Variants in DNAH5 observed in about 807,000 individuals in gnomAD.
The protein encoded by DNAH5 is axonemal beta dynein heavy chain 5.
Under a neutral mutation model 518.2 loss-of-function variants are expected in DNAH5, and 372 were observed. The observed-to-expected ratio is 0.72, with a 90% confidence interval of 0.66 to 0.78. DNAH5 has a LOEUF of 0.78. Among genes scored for constraint, DNAH5 ranks in the 30% least tolerant of loss-of-function variants. The probability of loss-of-function intolerance (pLI) is 0.00; values close to 1 mark genes in which losing one functional copy is unlikely to be tolerated. For missense variants in DNAH5, 5,523 were observed against 5,687.0 expected, an observed-to-expected ratio of 0.97 and a Z score of 0.93; for synonymous variants, 2,039 against 2,025.9, an observed-to-expected ratio of 1.01 and a Z score of -0.17.
intron 12 of DNAH5, among the ~76,000 whole-genome samples, chr5:13,906,634 A>G (rs1025547557): frequency 6.6e-6 from 1 of 152,212 alleles, no homozygotes; most frequent in African/African-American, 2.4e-5. Context: ...AAAGTATTCC[A>G]TGTTCTCACA....
At position 13,870,795 on chromosome 5, in the gene DNAH5, G is replaced by C; in HGVS notation, c.3806C>G (p.Ser1269Cys). 2 of 1,613,674 alleles carry C rather than the reference G, an allele frequency of 1.2e-6. No individual in the cohort carries two copies. The highest frequency in any genetic ancestry group is 8.5e-7 in the Non-Finnish European group (1 of 1,179,776). ...AATAGGTCCTACTTGAAAGTCAATGGAGATTTGCTCCTCCCTTATTTCTTT... is the reference window on the plus strand; with the variant it reads ...AATAGGTCCTACTTGAAAGTCAATGCAGATTTGCTCCTCCCTTATTTCTTT... ...ALKEIREEQI[S>C]IDFQVGPIEE... Residue 1269 changes from serine (S) to cysteine (C), a missense_variant, in exon 24 of 79, where the codon TCC becomes TGC. This residue lies in a region of DNAH5 where 5,121 missense variants were observed against 5,223.3 expected (regional missense o/e 0.98). Coordinates refer to ENST00000265104, the MANE Select transcript of DNAH5 (RefSeq NM_001369.3).
intron 55 of DNAH5, 140 bp downstream of exon 55, chr5:13,776,299 G>T: frequency 1.8e-6 from 2 of 1,130,990 alleles, no homozygotes; most frequent in Non-Finnish European, 2.7e-6. Flanking sequence ...TGCTGTCCAT[G>T]AGATTAAACC....
chr5:13,804,464 A>AC (rs1375778881), intron 47 of DNAH5, among the ~76,000 whole-genome samples: 1 of 152,222 alleles, frequency 6.6e-6, no homozygotes, highest in Admixed American at 6.5e-5. Flanking sequence ...AGATGCAGAG[A>AC]CAAATGCTCT....
chr5:13,898,628 T>A lies in DNAH5; in HGVS notation c.2259+1578A>T, dbSNP rs147184204. Reference sequence around the variant, plus strand: ...TTAACTTCTCTAAGCCACAGTTTTGTCATCTACGAAATAAAATAATAGTAT... The same window carrying A: ...TTAACTTCTCTAAGCCACAGTTTTGACATCTACGAAATAAAATAATAGTAT... On this transcript the variant is annotated intron_variant, in intron 15 of 78. Transcript: ENST00000265104. 780 of 398,608 alleles carry A rather than the reference T, an allele frequency of 2.0e-3. 7 individuals are homozygous for A. Among genetic ancestry groups the A allele is most frequent in the African/African-American group, 0.014 (699 of 48,754 alleles). The allele number at this position is 398,608 out of a possible 1,614,324, so 24.7% of individuals were successfully genotyped here.
chr5:13,944,474 C>A lies in DNAH5; in HGVS notation c.-36G>T. 1 of 1,600,698 alleles carries A rather than the reference C, an allele frequency of 6.2e-7. No individual in the cohort carries two copies. Among genetic ancestry groups the A allele is most frequent in the African/African-American group, 1.3e-5 (1 of 74,882 alleles). Reference sequence around the variant, plus strand: ...CATGGACAGGCTGGAGTCAGCTCTTCCGGAATGGTCTTCTAACTCCTGGCA... The same window carrying A: ...CATGGACAGGCTGGAGTCAGCTCTTACGGAATGGTCTTCTAACTCCTGGCA... On this transcript the variant is annotated 5_prime_UTR_variant, in exon 1 of 79. Coordinates refer to ENST00000265104, the MANE Select transcript of DNAH5 (RefSeq NM_001369.3).
chr5:13,705,965 A>T (rs1352695150), intron 76 of DNAH5, among the ~76,000 whole-genome samples: 1 of 152,200 alleles, frequency 6.6e-6, no homozygotes, highest in African/African-American at 2.4e-5. Context: ...GCTGGCCAAC[A>T]GTTCTATTTT....
Position 13,793,659 on chromosome 5 carries a change from A to C in DNAH5, c.8080T>G (p.Phe2694Val), listed in dbSNP as rs1272436086. Residue 2694 changes from phenylalanine (F) to valine (V), a missense_variant, in exon 49 of 79, where the codon TTC becomes GTC. By Grantham distance (50) the Phe-to-Val change is conservative. Coordinates refer to ENST00000265104, the MANE Select transcript of DNAH5 (RefSeq NM_001369.3). ...AACTGGATGTCCACGATGCTGGTGA[A>C]CTCCCCAGGCTTCTCTAGATTATAG... is the stretch of plus-strand genomic sequence containing the variant. ...GFYNLEKPGE[F>V]TSIVDIQFLA... is the part of the protein sequence containing the mutation. The C allele has an allele frequency of 6.8e-6, 11 of 1,613,700 alleles. No homozygotes were observed. Among genetic ancestry groups the C allele is most frequent in the Non-Finnish European group, 3.4e-6 (4 of 1,179,972 alleles).
chr5:13,753,468 CA>C lies in DNAH5; in HGVS notation c.10636del (p.Trp3546GlyfsTer5). 6.2e-7 allele frequency: 1 copy of C among 1,614,014 alleles called. No homozygotes were observed. The highest frequency in any genetic ancestry group is 8.5e-7 in the Non-Finnish European group (1 of 1,179,944). On this transcript the variant is annotated frameshift_variant, in exon 63 of 79. Coordinates refer to ENST00000265104, the MANE Select transcript of DNAH5 (RefSeq NM_001369.3). LOFTEE classifies it high-confidence loss of function. The stretch of plus-strand genomic sequence containing the variant: ...TTTCCGGGCTTTCATTTCCTTCCGC[CA>C]GTCATTTAACAGAAGATCACGAAAC... ...QEFRDLLLNDWRKEMKARKIP... is the reference protein window; with the variant it reads ...QEFRDLLLNDXRKEMKARKIP...
In DNAH5 at chr5:13,885,051, G is replaced by T; in HGVS notation, c.2921C>A (p.Thr974Lys). Reference sequence around the variant, plus strand: ...GCGAATGGCCTCTAGTGTATTCCTTGTAACTTTCAGAAGAGCATCCATGTT... The same window carrying T: ...GCGAATGGCCTCTAGTGTATTCCTTTTAACTTTCAGAAGAGCATCCATGTT... ...HQNMDALLKV[T>K]RNTLEAIRKR... Residue 974 changes from threonine to lysine, a missense_variant, in exon 19 of 79, where the codon ACA becomes AAA. By Grantham distance (78) the Thr-to-Lys change is moderately conservative. This residue lies in a region of DNAH5 where 5,121 missense variants were observed against 5,223.3 expected (regional missense o/e 0.98). Transcript: ENST00000265104. 1 of 1,614,204 alleles carries T rather than the reference G, an allele frequency of 6.2e-7. No individual in the cohort carries two copies. The highest frequency in any genetic ancestry group is 1.1e-5 in the South Asian group (1 of 91,090).
intron 21 of DNAH5, among the ~76,000 whole-genome samples, chr5:13,877,761 C>G (rs1771091155): frequency 6.6e-6 from 1 of 152,186 alleles, no homozygotes; most frequent in Admixed American, 6.5e-5. Context: ...CATGTATCAC[C>G]ATAACTCTTA....
chr5:13,832,159 A>G (rs1763763897), intron 35 of DNAH5, among the ~76,000 whole-genome samples: 1 of 152,248 alleles, frequency 6.6e-6, no homozygotes, highest in African/African-American at 2.4e-5. Flanking sequence ...AACTGAAAAA[A>G]AAAGATTAAA....
At position 13,830,758 on chromosome 5, in the gene DNAH5, GC is replaced by G; in HGVS notation, c.5899del (p.Ala1967LeufsTer6). On this transcript the variant is annotated frameshift_variant, in exon 36 of 79. Coordinates refer to ENST00000265104, the MANE Select transcript of DNAH5 (RefSeq NM_001369.3). LOFTEE classifies it high-confidence loss of function. ...PLTDRCYITL[A>X]QALGMSMGGA... ...CCCCATGCTCATTCCCAGAGCTTGAGCCAGCGTGATGTAACATCTGCATGGG... is the reference window on the plus strand; with the variant it reads ...CCCCATGCTCATTCCCAGAGCTTGAGCAGCGTGATGTAACATCTGCATGGG... The G allele has an allele frequency of 6.2e-7, 1 of 1,614,160 alleles. No individual in the cohort carries two copies. The highest frequency in any genetic ancestry group is 1.3e-5 in the African/African-American group (1 of 75,042).
intron 24 of DNAH5, among the ~76,000 whole-genome samples, chr5:13,869,938 G>C (rs545119547): frequency 6.6e-6 from 1 of 151,976 alleles, no homozygotes; most frequent in African/African-American, 2.4e-5. Context: ...CTATTCAAGG[G>C]TGTCTGCTTG....
Position 13,911,595 on chromosome 5 carries a change from A to T in DNAH5, c.1537-102T>A, listed in dbSNP as rs67065537. 0.27 allele frequency: 252,452 copies of T among 937,896 alleles called. 35,821 individuals carry two copies. Among genetic ancestry groups the T allele is most frequent in the South Asian group, 0.35 (23,225 of 66,466 alleles). The allele number at this position is 937,896 out of a possible 1,614,324, so 58.1% of individuals were successfully genotyped here. ...GAGCCTATACAATAATTGCCAGAAAAAAAATAAGTTTAAAGGAAGCCTTAT... is the reference window on the plus strand; with the variant it reads ...GAGCCTATACAATAATTGCCAGAAATAAAATAAGTTTAAAGGAAGCCTTAT... On this transcript the variant is annotated intron_variant, in intron 11 of 78. Transcript: ENST00000265104.
Position 13,890,971 on chromosome 5 carries a change from A to T in DNAH5, c.2577+5T>A. On this transcript the variant is annotated splice_donor_5th_base_variant and intron_variant, in intron 17 of 78. Coordinates refer to ENST00000265104, the MANE Select transcript of DNAH5 (RefSeq NM_001369.3). ...TTAAACAAAAAAAATCAAGGTTTTA[A>T]TGACCTTTGTCATTTGGAGAAACTC... The T allele has an allele frequency of 6.2e-7, 1 of 1,614,080 alleles. No individual in the cohort carries two copies. Among genetic ancestry groups the T allele is most frequent in the African/African-American group, 1.3e-5 (1 of 75,046 alleles).
intron 78 of DNAH5, among the ~76,000 whole-genome samples, chr5:13,697,974 G>T (rs1319091682): frequency 6.6e-6 from 1 of 152,226 alleles, no homozygotes; most frequent in Admixed American, 6.5e-5. Flanking sequence ...TGGAGGTAGA[G>T]TCTGATAAAA....
chr5:13,701,335 A>G lies in DNAH5; in HGVS notation c.13440T>C (p.Phe4480=). The part of the protein sequence containing the change: ...SWVFNGRPHC[F]WMTGFFNPQG... ...GGGGGTTAAAAAAACCCGTCATCCA[A>G]AAGCAGTGAGGTCGGCCATTGAAAA... The change falls in exon 77 of 79, where the codon TTT becomes TTC. Residue 4480 remains phenylalanine (F), a synonymous_variant. Coordinates refer to ENST00000265104, the MANE Select transcript of DNAH5 (RefSeq NM_001369.3). 1.2e-6 allele frequency: 2 copies of G among 1,614,124 alleles called. No homozygotes were observed. The highest frequency in any genetic ancestry group is 2.2e-5 in the South Asian group (2 of 91,088).
intron 1 of DNAH5, among the ~76,000 whole-genome samples, chr5:13,966,046 A>C (rs1781503199): frequency 1.4e-5 from 2 of 147,480 alleles, no homozygotes; most frequent in African/African-American, 5.0e-5. Context: ...TTGCATCCTC[A>C]TAGCTTAGTT....
At chr5:13,758,149 G>A (rs1338900011) in intron 61 of DNAH5, among the ~76,000 whole-genome samples, 3 of 151,918 alleles carry the variant, frequency 2.0e-5, no homozygotes, top group Non-Finnish European at 2.9e-5. Flanking sequence ...TAGAAACTCA[G>A]GTACTTTTCC....
Sources: gnomAD v4.1 joint callset for allele counts (sites outside exome capture counted in the v4.1 genomes callset) on GRCh38, gnomAD v4.1.1 for gene constraint, gnomAD v4.1.1 regional missense constraint, MANE v1.5 for transcripts, NCBI Gene and HGNC (gene_info 2026-07-23, HGNC 2026-07-21) for gene names.